PKHD1L1: variants seen among roughly 807,000 people sequenced by gnomAD.
PKHD1L1 encodes the protein PKHD1 like 1.
A neutral mutation model predicts 462.9 loss-of-function variants in PKHD1L1; 434 were observed. The ratio of observed to expected loss-of-function variants is 0.94; its 90% CI spans 0.87 to 1.02. The LOEUF is 1.02. Ranked by LOEUF, PKHD1L1 falls within the 50% of genes least tolerant of loss-of-function variation. The pLI is 0.00. For synonymous variants in PKHD1L1, 1,781 were observed against 1,750.0 expected, an observed-to-expected ratio of 1.02 and a Z score of -0.44; for missense variants, 5,202 against 5,096.1, an observed-to-expected ratio of 1.02 and a Z score of -0.63.
intron 28 of PKHD1L1, 138 bp from the exon 29 acceptor site, chr8:109,435,052 A>C: frequency 1.2e-6 from 1 of 803,132 alleles, no homozygotes; most frequent in Non-Finnish European, 1.9e-6. Context: ...CCCACACATT[A>C]ATATATGATT....
At chr8:109,369,825 A>G (rs1811407602) in intron 2 of PKHD1L1, among the ~76,000 whole-genome samples, 1 of 152,176 alleles carries the variant, frequency 6.6e-6, no homozygotes. Flanking sequence ...TCACAGTCCC[A>G]TTTTAGTAAT....
intron 6 of PKHD1L1, among the ~76,000 whole-genome samples, chr8:109,386,552 C>G (rs757922500): frequency 5.9e-5 from 9 of 152,080 alleles, no homozygotes; most frequent in Non-Finnish European, 1.2e-4. Flanking sequence ...AAAGATTTAT[C>G]TGGAATTCTA....
Position 109,452,231 on chromosome 8 carries a change from G to T in PKHD1L1, c.6458G>T (p.Gly2153Val), listed in dbSNP as rs757278895. 6.2e-7 allele frequency: 1 copy of T among 1,611,568 alleles called. No individual in the cohort carries two copies. The highest frequency in any genetic ancestry group is 8.5e-7 in the Non-Finnish European group (1 of 1,178,708). Residue 2153 changes from glycine (G) to valine (V), a missense_variant, in exon 42 of 78, where the codon GGG becomes GTG. Coordinates refer to ENST00000378402, the MANE Select transcript of PKHD1L1 (RefSeq NM_177531.6). Reference sequence around the variant, plus strand: ...ATGACAGATGCCCATACTCTATCAGGGTGGGCTCCAGTTTGTGTCCACATC... The same window carrying T: ...ATGACAGATGCCCATACTCTATCAGTGTGGGCTCCAGTTTGTGTCCACATC... The part of the protein sequence containing the change: ...ICMTDAHTLS[G>V]WAPVCVHIRG...
At position 109,487,808 on chromosome 8, in the gene PKHD1L1, G is replaced by A. The variant is rs530537769; in HGVS notation, c.9880+987G>A. On this transcript the variant is annotated intron_variant, in intron 59 of 77. Coordinates refer to ENST00000378402, the MANE Select transcript of PKHD1L1 (RefSeq NM_177531.6). Reference sequence around the variant, plus strand: ...GTGGGATGACTACTTGAGGCCAGGAGTTTGAAATCAGCCTGGGCACTATAG... The same window carrying A: ...GTGGGATGACTACTTGAGGCCAGGAATTTGAAATCAGCCTGGGCACTATAG... Among the ~76,000 whole-genome samples the A allele has an allele frequency of 1.1e-4, 16 of 151,476 alleles. No homozygotes were observed. The South Asian group carries it at 3.3e-3, about 32-fold the overall frequency.
chr8:109,390,449 C>A lies in PKHD1L1; in HGVS notation c.698-3C>A. ...TTGATTGTGTATTTTCATTAAATTC[C>A]AGGTCATCACAATGTCAGCTTCATC... On this transcript the variant is annotated splice_polypyrimidine_tract_variant and splice_region_variant and intron_variant, in intron 8 of 77. Coordinates refer to ENST00000378402, the MANE Select transcript of PKHD1L1 (RefSeq NM_177531.6). 1 of 1,425,100 alleles carries A rather than the reference C, an allele frequency of 7.0e-7. No homozygotes were observed. Among genetic ancestry groups the A allele is most frequent in the Non-Finnish European group, 9.4e-7 (1 of 1,061,864 alleles). 88.3% of individuals were successfully genotyped at this position (1,425,100 alleles called of 1,614,324 possible).
intron 41 of PKHD1L1, among the ~76,000 whole-genome samples, chr8:109,451,689 A>G (rs1256720144): frequency 6.6e-6 from 1 of 152,240 alleles, no homozygotes; most frequent in Non-Finnish European, 1.5e-5. Flanking sequence ...CATACACCAT[A>G]GAAGCTCATT....
chr8:109,486,712 G>A lies in PKHD1L1; in HGVS notation c.9771G>A (p.Leu3257=), dbSNP rs749664514. 13 of 1,612,428 alleles carry A rather than the reference G, an allele frequency of 8.1e-6. No individual in the cohort carries two copies. The East Asian group carries it at 1.3e-4, about 17-fold the overall frequency. ...SYTLAADVGI[L]SRNIKIVGED... ...CGTTAGCAGCTGATGTTGGGATACTGAGTAGGAACATCAAAATAGTTGGTG... is the reference window on the plus strand; with the variant it reads ...CGTTAGCAGCTGATGTTGGGATACTAAGTAGGAACATCAAAATAGTTGGTG... The change falls in exon 59 of 78, where the codon CTG becomes CTA. Residue 3257 remains leucine, a synonymous_variant. Coordinates refer to ENST00000378402, the MANE Select transcript of PKHD1L1 (RefSeq NM_177531.6).
At position 109,454,934 on chromosome 8, in the gene PKHD1L1, A is replaced by G. The variant is rs570342195; in HGVS notation, c.6874+82A>G. On this transcript the variant is annotated intron_variant, in intron 45 of 77. Coordinates refer to ENST00000378402, the MANE Select transcript of PKHD1L1 (RefSeq NM_177531.6). The stretch of plus-strand genomic sequence containing the variant: ...GGATAATTATCCTGTGATAATTATA[A>G]TTTATCCTGTGATAAAGTGAAAGTG... 2.8e-6 allele frequency: 4 copies of G among 1,452,134 alleles called. No individual in the cohort carries two copies. In the Admixed American group the frequency reaches 9.7e-5, roughly 35 times the overall value. 90.0% of individuals were successfully genotyped at this position (1,452,134 alleles called of 1,614,324 possible).
chr8:109,442,917 T>G (rs781593747), intron 35 of PKHD1L1, 29 bp from the exon 36 acceptor site: 2 of 1,600,890 alleles, frequency 1.2e-6, no homozygotes, highest in Non-Finnish European at 8.6e-7. Flanking sequence ...TTGCTTATAT[T>G]TATTACGTAC....
Position 109,443,820 on chromosome 8 carries a change from A to C in PKHD1L1, c.4709A>C (p.Asn1570Thr). The C allele has an allele frequency of 6.2e-7, 1 of 1,613,888 alleles. No individual in the cohort carries two copies. The highest frequency in any genetic ancestry group is 8.5e-7 in the Non-Finnish European group (1 of 1,179,808). ...VSSCFSPSIS[N>T]ITPSTGTVNE... ...AGTTGTTTTTCACCATCTATAAGCA[A>C]CATTACTCCGTCCACTGGAACAGTA... is the stretch of plus-strand genomic sequence containing the variant. Residue 1570 changes from asparagine (N) to threonine (T), a missense_variant, in exon 37 of 78, where the codon AAC (asparagine) becomes ACC (threonine). Asn to Thr is a moderately conservative substitution (Grantham distance 65). Transcript: ENST00000378402.
rs1469087790 is a variant in PKHD1L1, at chr8:109,451,039, G to A, written c.6240G>A (p.Met2080Ile). ...VVNGKDLSQS[M>I]TPFTYAVSLT... ...ATGGGAAAGATTTGTCACAGTCCAT[G>A]ACTCCGTTTACGTACGCAGTGTCAC... The change falls in exon 41 of 78, where the codon ATG (methionine) becomes ATA (isoleucine). Residue 2080 changes from methionine (M) to isoleucine (I), a missense_variant. By Grantham distance (10) the Met-to-Ile change is conservative. This residue lies in a region of PKHD1L1 where 4,497 missense variants were observed against 4,336.8 expected (regional missense o/e 1.04). Transcript: ENST00000378402. 1 of 1,613,870 alleles carries A rather than the reference G, an allele frequency of 6.2e-7. No homozygotes were observed. The highest frequency in any genetic ancestry group is 8.5e-7 in the Non-Finnish European group (1 of 1,179,796).
rs1322487003 is a variant in PKHD1L1 at position 109,441,734 on chromosome 8, A to C, written c.4205-273A>C. Among the ~76,000 whole-genome samples the C allele has an allele frequency of 2.0e-5, 3 of 152,262 alleles. No individual in the cohort carries two copies. In the East Asian group the frequency reaches 5.8e-4, roughly 29 times the overall value. On this transcript the variant is annotated intron_variant, in intron 34 of 77. Coordinates refer to ENST00000378402, the MANE Select transcript of PKHD1L1 (RefSeq NM_177531.6). The stretch of plus-strand genomic sequence containing the variant: ...AATATTCTATGTAAGATTTCTAAGC[A>C]AACTATTTATTGACTTTCCAATTTT...
rs536144208 is a variant in PKHD1L1 at position 109,404,775 on chromosome 8, G to A, written c.1533+62G>A. 2.1e-6 allele frequency: 3 copies of A among 1,440,274 alleles called. No individual in the cohort carries two copies. In the South Asian group the frequency reaches 4.5e-5, roughly 21 times the overall value. The allele number at this position is 1,440,274 out of a possible 1,614,324, so 89.2% of individuals were successfully genotyped here. ...ATGTTCGAAGGCAGGATCTCAATTT[G>A]ATTATTAATTTTACTAGGTAAGATA... On this transcript the variant is annotated intron_variant, in intron 15 of 77. Coordinates refer to ENST00000378402, the MANE Select transcript of PKHD1L1 (RefSeq NM_177531.6).
intron 2 of PKHD1L1, among the ~76,000 whole-genome samples, chr8:109,373,296 G>T (rs1376169711): frequency 6.6e-6 from 1 of 151,878 alleles, no homozygotes; most frequent in Non-Finnish European, 1.5e-5. Flanking sequence ...TTGCATAGAG[G>T]TGTTTATAGT....
chr8:109,419,377 C>T, intron 22 of PKHD1L1, 117 bp downstream of exon 22: 1 of 714,280 alleles, frequency 1.4e-6, no homozygotes. Context: ...ATTAATGAGT[C>T]ACTCTTTTAT....
Position 109,436,413 on chromosome 8 carries a change from A to G in PKHD1L1, c.3581A>G (p.Asn1194Ser), listed in dbSNP as rs182123179. The change falls in exon 30 of 78, where the codon AAT becomes AGT. Residue 1194 changes from asparagine to serine, a missense_variant. Around this residue, in one of 3 missense-constraint regions of PKHD1L1, gnomAD observed 4,497 missense variants for 4,336.8 expected, o/e 1.04. Coordinates refer to ENST00000378402, the MANE Select transcript of PKHD1L1 (RefSeq NM_177531.6). Reference protein sequence around the residue: ...SKVLVGNETCNVIEGDLNRIT... With the variant: ...SKVLVGNETCSVIEGDLNRIT... ...GTATTAGTTGGAAATGAAACCTGCA[A>G]TGTGATTGAAGGGGATTTGAATAGG... 512 of 1,613,500 alleles carry G rather than the reference A, an allele frequency of 3.2e-4. No homozygotes were observed. Among genetic ancestry groups the G allele is most frequent in the Non-Finnish European group, 4.1e-4 (478 of 1,179,720 alleles).
chr8:109,508,215 A>G lies in PKHD1L1; in HGVS notation c.11346A>G (p.Arg3782=). The stretch of plus-strand genomic sequence containing the variant: ...TGGATCCTGACACAGAAACTCGAAG[A>G]CTTTCCCCAGTGGCTATAATGGGCA... ...ESLDPDTETR[R]LSPVAIMGNG... is the part of the protein sequence containing the mutation. The change falls in exon 70 of 78, where the codon AGA becomes AGG. Residue 3782 remains arginine, a synonymous_variant. Coordinates refer to ENST00000378402, the MANE Select transcript of PKHD1L1 (RefSeq NM_177531.6). The G allele has an allele frequency of 6.2e-7, 1 of 1,613,266 alleles. No individual in the cohort carries two copies. Among genetic ancestry groups the G allele is most frequent in the Non-Finnish European group, 8.5e-7 (1 of 1,179,468 alleles).
chr8:109,366,417 A>G (rs914283917), intron 2 of PKHD1L1, among the ~76,000 whole-genome samples: 8 of 152,224 alleles, frequency 5.3e-5, no homozygotes, highest in Non-Finnish European at 1.2e-4. Flanking sequence ...GAGGCAGAGA[A>G]TAGAATAGCG....
At chr8:109,494,387 T>C (rs1035427719) in intron 63 of PKHD1L1, among the ~76,000 whole-genome samples, 7 of 151,966 alleles carry the variant, frequency 4.6e-5, no homozygotes, top group African/African-American at 1.7e-4. Context: ...TCCACTTCTA[T>C]GAATCTAGCT....
Sources: allele counts gnomAD v4.1 joint callset (sites outside exome capture counted in the v4.1 genomes callset), GRCh38; gene constraint gnomAD v4.1.1; regional missense constraint gnomAD v4.1.1; transcripts MANE v1.5; gene names NCBI Gene and HGNC (gene_info 2026-07-23, HGNC 2026-07-21).